TRPV3: variants seen among roughly 807,000 people sequenced by gnomAD.
TRPV3 encodes the protein transient receptor potential cation channel subfamily V member 3.
Under a neutral mutation model 87.1 loss-of-function variants are expected in TRPV3, and 88 were observed. The ratio of observed to expected loss-of-function variants is 1.01; its 90% CI spans 0.85 to 1.21. The LOEUF is 1.21. TRPV3 is among the 50% of genes most tolerant of loss of function. The pLI is 0.00. For missense variants in TRPV3, 1,054 were observed against 1,030.1 expected, an observed-to-expected ratio of 1.02 and a Z score of -0.32; for synonymous variants, 438 against 423.3, an observed-to-expected ratio of 1.03 and a Z score of -0.43.
intron 14 of TRPV3, among the ~76,000 whole-genome samples, chr17:3,520,620 G>A (rs1370590312): frequency 6.6e-6 from 1 of 152,162 alleles, no homozygotes; most frequent in Non-Finnish European, 1.5e-5. Context: ...GTTACCTTAT[G>A]ATCGGGGTGA....
Position 3,518,932 on chromosome 17 carries a change from C to G in TRPV3, c.1811-82G>C. The G allele has an allele frequency of 6.9e-7, 1 of 1,438,868 alleles. No homozygotes were observed. Among genetic ancestry groups the G allele is most frequent in the African/African-American group, 1.4e-5 (1 of 71,296 alleles). The allele number at this position is 1,438,868 out of a possible 1,614,324, so 89.1% of individuals were successfully genotyped here. A position where few individuals can be genotyped will look rare whatever the true frequency, so the allele number is the denominator to read the frequency against. On this transcript the variant is annotated intron_variant, in intron 14 of 17. Coordinates refer to ENST00000576742, the MANE Select transcript of TRPV3 (RefSeq NM_145068.4). This position sits in a 1 kb window ranked among gnomAD's most constrained non-coding sequence, Gnocchi z 4.3. ...AGCTTGCGTGTATTTGCCTACATGA[C>G]AAGCCTGCTGCCTCCTTCTCTCTGG...
intron 2 of TRPV3, 110 bp downstream of exon 2, chr17:3,554,622 G>T: frequency 1.3e-6 from 1 of 771,280 alleles, no homozygotes; most frequent in Non-Finnish European, 2.1e-6. Flanking sequence ...CCCCGGGCGA[G>T]ACTGAGAGTC....
At chr17:3,543,735 C>G in intron 4 of TRPV3, 107 bp from the exon 5 acceptor site, 1 of 1,449,846 alleles carries the variant, frequency 6.9e-7, no homozygotes, top group Non-Finnish European at 9.4e-7. Flanking sequence ...CCGCCAACAT[C>G]TCCCATGCCT....
chr17:3,549,862 CA>C (rs1272879682), intron 2 of TRPV3, among the ~76,000 whole-genome samples: 35 of 143,606 alleles, frequency 2.4e-4, no homozygotes, highest in Middle Eastern at 4.5e-3. Context: ...GAATAAATGA[CA>C]GATATATGTA....
chr17:3,529,177 T>A (rs1597476346), intron 9 of TRPV3, among the ~76,000 whole-genome samples, 182 bp from the exon 10 acceptor site: 1 of 151,834 alleles, frequency 6.6e-6, no homozygotes, highest in South Asian at 2.1e-4. Context: ...CTCCCCAGGG[T>A]ACTAGGGCAG....
intron 8 of TRPV3, among the ~76,000 whole-genome samples, chr17:3,531,989 C>A (rs1407230590): frequency 6.6e-6 from 1 of 152,222 alleles, no homozygotes; most frequent in Non-Finnish European, 1.5e-5. Context: ...AGCCTCCTCG[C>A]AGAGCGTAGA....
intron 1 of TRPV3, among the ~76,000 whole-genome samples, chr17:3,555,917 C>T (rs1362170392): frequency 6.6e-6 from 1 of 152,152 alleles, no homozygotes; most frequent in Non-Finnish European, 1.5e-5. Context: ...TGGCTCACAC[C>T]TGTAATCCCA....
intron 6 of TRPV3, 23 bp downstream of exon 6, chr17:3,542,499 C>A: frequency 1.2e-6 from 2 of 1,607,098 alleles, no homozygotes; most frequent in Non-Finnish European, 8.5e-7. Flanking sequence ...CCTGTCTGCA[C>A]AGCCCCTCTG....
chr17:3,520,953 AT>A lies in TRPV3; in HGVS notation c.1810+19del. On this transcript the variant is annotated intron_variant, in intron 14 of 17. Transcript: ENST00000576742. The stretch of plus-strand genomic sequence containing the variant: ...AGTGTTTATAAATGTGGGAGTTACT[AT>A]TATTTATAAATCAATTACCTACTCC... 6.6e-7 allele frequency: 1 copy of A among 1,507,930 alleles called. No individual in the cohort carries two copies. The highest frequency in any genetic ancestry group is 9.2e-7 in the Non-Finnish European group (1 of 1,085,360). The allele number at this position is 1,507,930 out of a possible 1,614,324, so 93.4% of individuals were successfully genotyped here.
chr17:3,537,035 A>G (rs1003861767), intron 6 of TRPV3, among the ~76,000 whole-genome samples: 1 of 152,232 alleles, frequency 6.6e-6, no homozygotes, highest in African/African-American at 2.4e-5. Context: ...GACCTTCTTA[A>G]GCAGGATCCA....
intron 8 of TRPV3, among the ~76,000 whole-genome samples, chr17:3,532,272 T>C (rs1320184834): frequency 6.6e-6 from 1 of 152,192 alleles, no homozygotes; most frequent in African/African-American, 2.4e-5. Flanking sequence ...TGGCAGCATA[T>C]TAGCGCTGCG....
chr17:3,535,646 G>A lies in TRPV3; in HGVS notation c.711C>T (p.Ala237=), dbSNP rs777682415. The change falls in exon 7 of 18, where the codon GCC becomes GCT. Residue 237 remains alanine, a synonymous_variant. Coordinates refer to ENST00000576742, the MANE Select transcript of TRPV3 (RefSeq NM_145068.4). ...TGGCGTGCGCGTTGACGTCGGCGCC[G>A]GCGGCGATGAGCAGGGCTGCGATGT... ...QGDIAALLIA[A]GADVNAHAKG... 3.1e-6 allele frequency: 5 copies of A among 1,608,016 alleles called. No individual in the cohort carries two copies. The East Asian group carries it at 9.1e-5, about 29-fold the overall frequency.
In TRPV3 at chr17:3,542,670, G is replaced by A. The variant is rs777325975; in HGVS notation, c.495C>T (p.Ser165=). The change falls in exon 6 of 18, where the codon TCC becomes TCT. Residue 165 remains serine, a synonymous_variant. Coordinates refer to ENST00000576742, the MANE Select transcript of TRPV3 (RefSeq NM_145068.4). ...TCATCAGGCAGGTCTTCCCCGTGTC[G>A]GAGGCCGTCAGCTTGTGCATGAGGA... The part of the protein sequence containing the change: ...PDFLMHKLTA[S]DTGKTCLMKA... The A allele has an allele frequency of 4.8e-5, 78 of 1,613,850 alleles. No homozygotes were observed. Among genetic ancestry groups the A allele is most frequent in the South Asian group, 3.4e-4 (31 of 91,054 alleles).
intron 2 of TRPV3, chr17:3,546,605 T>G (rs952341296): frequency 6.4e-5 from 29 of 455,184 alleles, no homozygotes; most frequent in Non-Finnish European, 1.0e-4. Flanking sequence ...AGGCCCCCCT[T>G]GGAGACATGT....
intron 6 of TRPV3, among the ~76,000 whole-genome samples, chr17:3,536,167 GC>G (rs2074407813): frequency 6.6e-6 from 1 of 152,190 alleles, no homozygotes; most frequent in South Asian, 2.1e-4. Context: ...GGGCAAGAGG[GC>G]AGAGCTTGTG....
chr17:3,553,991 T>C (rs142080248), intron 2 of TRPV3: 1 of 152,506 alleles, frequency 6.6e-6, no homozygotes, highest in African/African-American at 2.4e-5. Context: ...GAATCTATAA[T>C]GGAGGCAGCG....
chr17:3,541,283 G>C (rs1211400386), intron 6 of TRPV3, among the ~76,000 whole-genome samples: 2 of 152,158 alleles, frequency 1.3e-5, no homozygotes, highest in Non-Finnish European at 2.9e-5. Flanking sequence ...CAGGAGAATC[G>C]CTTGAACCTG....
rs764864457 is a variant in TRPV3 at position 3,525,085 on chromosome 17, A to T, written c.1578-722T>A. Reference sequence around the variant, plus strand: ...CCTAGGCTGGAGTACAGTGGCATGAACTCTGCTCACTGCAACCTCCGCCTC... The same window carrying T: ...CCTAGGCTGGAGTACAGTGGCATGATCTCTGCTCACTGCAACCTCCGCCTC... On this transcript the variant is annotated intron_variant, in intron 12 of 17. Coordinates refer to ENST00000576742, the MANE Select transcript of TRPV3 (RefSeq NM_145068.4). Among the ~76,000 whole-genome samples, 31 of 151,962 alleles carry T rather than the reference A, an allele frequency of 2.0e-4. 1 individual carries two copies. Among genetic ancestry groups the T allele is most frequent in the South Asian group, 8.3e-4 (4 of 4,806 alleles).
chr17:3,520,857 G>C (rs879328883), intron 14 of TRPV3, 116 bp downstream of exon 14: 5 of 548,628 alleles, frequency 9.1e-6, no homozygotes, highest in Non-Finnish European at 1.7e-5. Flanking sequence ...AGCATGGCAA[G>C]TGCCCCACTG....
Sources: allele counts gnomAD v4.1 joint callset (sites outside exome capture counted in the v4.1 genomes callset), GRCh38; gene constraint gnomAD v4.1.1; non-coding constraint Gnocchi (gnomAD v3.1); transcripts MANE v1.5; gene names NCBI Gene and HGNC (gene_info 2026-07-23, HGNC 2026-07-21).